The following PBX3 variants were observed in gnomAD, a reference collection of about 807,000 sequenced individuals.
PBX3 encodes PBX homeobox 3.
PBX3 carries 14 observed loss-of-function variants against 48.5 expected under a neutral mutation model. The ratio of observed to expected loss-of-function variants is 0.29; its 90% CI spans 0.19 to 0.45. The LOEUF (loss-of-function observed/expected upper bound fraction) is 0.45, where lower values mean the gene tolerates loss of function less well. Among genes scored for constraint, PBX3 ranks in the 20% least tolerant of loss-of-function variants. PBX3 has a pLI of 1.00. For missense variants in PBX3, 386 were observed against 546.7 expected, an observed-to-expected ratio of 0.71 and a Z score of 2.93; for synonymous variants, 210 against 200.3, an observed-to-expected ratio of 1.05 and a Z score of -0.41.
At chr9:125,916,048 G>A in intron 3 of PBX3, 121 bp downstream of exon 3, 1 of 1,372,456 alleles carries the variant, frequency 7.3e-7, no homozygotes, top group Non-Finnish European at 9.8e-7. Flanking sequence ...AAATAAATAA[G>A]GTCAGTGCAA....
chr9:125,926,996 T>G (rs895724823), intron 3 of PBX3, among the ~76,000 whole-genome samples: 5 of 152,232 alleles, frequency 3.3e-5, no homozygotes, highest in African/African-American at 9.6e-5. Flanking sequence ...AATTATAGAC[T>G]GAGATTCTGA....
rs781501021 is a variant in PBX3 at position 125,960,737 on chromosome 9, G to A, written c.897G>A (p.Lys299=). 7 of 1,614,110 alleles carry A rather than the reference G, an allele frequency of 4.3e-6. No individual in the cohort carries two copies. Among genetic ancestry groups the A allele is most frequent in the Non-Finnish European group, 5.9e-6 (7 of 1,180,048 alleles). Residue 299 remains lysine (K), a synonymous_variant, in exon 6 of 9, where the codon AAG becomes AAA. Coordinates refer to ENST00000373489, the MANE Select transcript of PBX3 (RefSeq NM_006195.6). ...TCAGGTACAAGAAGAACATTGGCAAGTTTCAGGAAGAAGCCAACCTCTATG... is the reference window on the plus strand; with the variant it reads ...TCAGGTACAAGAAGAACATTGGCAAATTTCAGGAAGAAGCCAACCTCTATG... The part of the protein sequence containing the change: ...KRIRYKKNIG[K]FQEEANLYAA...
chr9:125,851,389 G>A (rs1839572820), intron 2 of PBX3, among the ~76,000 whole-genome samples: 1 of 151,966 alleles, frequency 6.6e-6, no homozygotes, highest in Non-Finnish European at 1.5e-5. Flanking sequence ...CGACAGCCTA[G>A]GTAAAAAAGA....
chr9:125,928,924 A>G (rs996566522), intron 3 of PBX3, among the ~76,000 whole-genome samples: 1 of 152,106 alleles, frequency 6.6e-6, no homozygotes, highest in Non-Finnish European at 1.5e-5. Flanking sequence ...TTGGCACGCA[A>G]GGCCCTTTAT....
chr9:125,869,069 T>C (rs1195566849), intron 2 of PBX3, among the ~76,000 whole-genome samples: 2 of 152,080 alleles, frequency 1.3e-5, no homozygotes, highest in East Asian at 3.9e-4. Flanking sequence ...GTACAGCAAA[T>C]AAGGTAAGCA....
intron 5 of PBX3, among the ~76,000 whole-genome samples, chr9:125,947,855 C>A (rs915056116): frequency 1.1e-4 from 17 of 152,022 alleles, no homozygotes; most frequent in African/African-American, 4.1e-4. Flanking sequence ...TTGTGTTGAT[C>A]TAATAATATC....
chr9:125,820,356 T>C (rs1838615039), intron 2 of PBX3, among the ~76,000 whole-genome samples: 1 of 152,194 alleles, frequency 6.6e-6, no homozygotes, highest in South Asian at 2.1e-4. Context: ...TATTCAGCAC[T>C]CCCCTCCACT....
At chr9:125,790,644 T>C (rs1331736166) in intron 2 of PBX3, among the ~76,000 whole-genome samples, 1 of 151,746 alleles carries the variant, frequency 6.6e-6, no homozygotes, top group Non-Finnish European at 1.5e-5. Context: ...TAATAGGTTA[T>C]TGCAGCCTCA....
rs746544612 is a variant in PBX3 at position 125,867,548 on chromosome 9, G to A, written c.275-48138G>A. 8.3e-4 allele frequency among the ~76,000 whole-genome samples: 124 copies of A among 149,406 alleles called. 1 individual carries two copies. Among genetic ancestry groups the A allele is most frequent in the Middle Eastern group, 3.4e-3 (1 of 290 alleles). On this transcript the variant is annotated intron_variant, in intron 2 of 8. Transcript: ENST00000373489. Reference sequence around the variant, plus strand: ...CCAGCTACTCAGGAGGCTGAGGCAGGAGAATCACTTGAATGCGGGAGGTGG... The same window carrying A: ...CCAGCTACTCAGGAGGCTGAGGCAGAAGAATCACTTGAATGCGGGAGGTGG...
chr9:125,914,447 G>T (rs1841278286), intron 2 of PBX3, among the ~76,000 whole-genome samples: 1 of 152,176 alleles, frequency 6.6e-6, no homozygotes, highest in Non-Finnish European at 1.5e-5. Context: ...GGGCATCTAG[G>T]AATGAAATCT....
chr9:125,915,550 A>G (rs1308797136), intron 2 of PBX3, 136 bp from the exon 3 acceptor site: 6 of 652,992 alleles, frequency 9.2e-6, no homozygotes, highest in African/African-American at 3.7e-5. Flanking sequence ...ATCAAATGTG[A>G]ACAATGAAGT....
At chr9:125,753,069 G>A (rs939864338) in intron 2 of PBX3, among the ~76,000 whole-genome samples, 9 of 152,048 alleles carry the variant, frequency 5.9e-5, no homozygotes, top group African/African-American at 1.9e-4. Context: ...TTGGCCAGTC[G>A]TGTTTTCTCT....
intron 2 of PBX3, among the ~76,000 whole-genome samples, chr9:125,880,312 G>A (rs558001154): frequency 2.0e-5 from 3 of 152,176 alleles, no homozygotes; most frequent in Non-Finnish European, 4.4e-5. Context: ...CAAAGTGTTG[G>A]GATTACAGGC....
intron 2 of PBX3, among the ~76,000 whole-genome samples, chr9:125,851,301 C>T (rs1839569185): frequency 1.3e-5 from 2 of 150,124 alleles, no homozygotes; most frequent in South Asian, 4.2e-4. Flanking sequence ...TTTCCCAAAT[C>T]TGTTGATTAT....
intron 2 of PBX3, among the ~76,000 whole-genome samples, chr9:125,774,889 T>TA (rs1426787473): frequency 4.6e-5 from 7 of 151,992 alleles, no homozygotes; most frequent in African/African-American, 1.4e-4. Context: ...TTTTTTTTTT[T>TA]AAGACAGAGT....
chr9:125,897,144 T>TG (rs1840791086), intron 2 of PBX3, among the ~76,000 whole-genome samples: 1 of 144,442 alleles, frequency 6.9e-6, no homozygotes. Flanking sequence ...ATTTGTGGTT[T>TG]TTTTTTTTTT....
chr9:125,752,071 T>A (rs1263262145), intron 2 of PBX3, among the ~76,000 whole-genome samples: 5 of 152,102 alleles, frequency 3.3e-5, no homozygotes, highest in African/African-American at 9.7e-5. Context: ...TGAAAAAAAA[T>A]AAACACAACC....
At chr9:125,958,654 A>G (rs1350199098) in intron 5 of PBX3, among the ~76,000 whole-genome samples, 2 of 152,238 alleles carry the variant, frequency 1.3e-5, no homozygotes, top group Non-Finnish European at 2.9e-5. Context: ...AAGAAAATAT[A>G]GAGGAGGTGG....
intron 2 of PBX3, among the ~76,000 whole-genome samples, chr9:125,772,627 G>T (rs886465371): frequency 6.6e-6 from 1 of 152,216 alleles, no homozygotes; most frequent in Non-Finnish European, 1.5e-5. Flanking sequence ...TTTTCCTAAA[G>T]TAAGGCCACT....
Sources: allele counts gnomAD v4.1 joint callset (sites outside exome capture counted in the v4.1 genomes callset), GRCh38; gene constraint gnomAD v4.1.1; transcripts MANE v1.5; gene names NCBI Gene and HGNC (gene_info 2026-07-23, HGNC 2026-07-21).